CEP112: variants seen among roughly 807,000 people sequenced by gnomAD.
CEP112 encodes the protein centrosomal protein 112, also known as centrosomal protein of 112 kDa.
A neutral mutation model predicts 153.0 loss-of-function variants in CEP112; 127 were observed. The ratio of observed to expected loss-of-function variants is 0.83; its 90% CI spans 0.72 to 0.96. The LOEUF (loss-of-function observed/expected upper bound fraction) is 0.96, where lower values mean the gene tolerates loss of function less well. Ranked by LOEUF, CEP112 falls within the 40% of genes least tolerant of loss-of-function variation. The probability of loss-of-function intolerance (pLI) is 0.00; values close to 1 mark genes in which losing one functional copy is unlikely to be tolerated. For missense variants in CEP112, 1,089 were observed against 1,101.2 expected (o/e 0.99, Z 0.16); for synonymous variants, 358 against 374.4 (o/e 0.96, Z 0.51).
chr17:65,706,345 G>A (rs1373760372), intron 23 of CEP112, among the ~76,000 whole-genome samples: 1 of 152,168 alleles, frequency 6.6e-6, no homozygotes, highest in African/African-American at 2.4e-5. Context: ...GTGTGCTCAG[G>A]ACACCCTGGT....
chr17:65,833,613 G>T (rs2057178789), intron 21 of CEP112, among the ~76,000 whole-genome samples: 2 of 151,904 alleles, frequency 1.3e-5, no homozygotes, highest in African/African-American at 2.4e-5. Flanking sequence ...GCCACAAAAA[G>T]AATAAAATAC....
intron 4 of CEP112, among the ~76,000 whole-genome samples, chr17:66,157,445 C>T (rs1039255038): frequency 5.3e-5 from 8 of 152,166 alleles, no homozygotes; most frequent in South Asian, 2.1e-4. Flanking sequence ...TAAAAACCAT[C>T]GACACTATGA....
intron 6 of CEP112, among the ~76,000 whole-genome samples, chr17:66,122,363 A>G (rs546129231): frequency 6.6e-6 from 1 of 152,126 alleles, no homozygotes; most frequent in Non-Finnish European, 1.5e-5. Context: ...TGCATGTCTT[A>G]TAATTTTTTT....
intron 23 of CEP112, among the ~76,000 whole-genome samples, chr17:65,734,741 A>G (rs984102659): frequency 3.9e-5 from 6 of 152,192 alleles, no homozygotes; most frequent in African/African-American, 1.4e-4. Flanking sequence ...TCTCACACAG[A>G]TAAGAAGTTA....
intron 4 of CEP112, among the ~76,000 whole-genome samples, chr17:66,156,350 G>T (rs1026065047): frequency 6.6e-6 from 1 of 152,074 alleles, no homozygotes; most frequent in Non-Finnish European, 1.5e-5. Flanking sequence ...AACAAAAAGG[G>T]TGTCCACACA....
chr17:65,981,236 C>T (rs2063214852), intron 17 of CEP112, among the ~76,000 whole-genome samples: 1 of 152,134 alleles, frequency 6.6e-6, no homozygotes, highest in South Asian at 2.1e-4. Context: ...GGTATACAAG[C>T]CACTGTGTTC....
intron 23 of CEP112, among the ~76,000 whole-genome samples, chr17:65,736,616 A>G (rs1046271558): frequency 6.6e-6 from 1 of 152,198 alleles, no homozygotes; most frequent in African/African-American, 2.4e-5. Context: ...CAAGAATGGG[A>G]AAGAGGGGTT....
rs974755322 is a variant in CEP112 at position 65,868,572 on chromosome 17, T to A, written c.2164-16538A>T. Among the ~76,000 whole-genome samples, 6 of 152,060 alleles carry A rather than the reference T, an allele frequency of 3.9e-5. No individual in the cohort carries two copies. In the East Asian group the frequency reaches 1.2e-3, roughly 29 times the overall value. On this transcript the variant is annotated intron_variant, in intron 20 of 26. Coordinates refer to ENST00000535342, the MANE Select transcript of CEP112 (RefSeq NM_001199165.4). ...ATTTATCAAATATATAGAATTGATG[T>A]TTTGAAATTGAATATGCAGATTTCA...
At chr17:66,006,272 T>C (rs551287337) in intron 16 of CEP112, among the ~76,000 whole-genome samples, 12 of 152,098 alleles carry the variant, frequency 7.9e-5, no homozygotes, top group Non-Finnish European at 1.5e-4. Flanking sequence ...GTGGATCATT[T>C]GAGTAAATGA....
At chr17:66,134,753 T>C (rs781516589) in intron 4 of CEP112, among the ~76,000 whole-genome samples, 14 of 151,956 alleles carry the variant, frequency 9.2e-5, no homozygotes, top group Admixed American at 1.3e-4. Flanking sequence ...CAGCGGGAGG[T>C]TGAGGCTACA....
intron 4 of CEP112, among the ~76,000 whole-genome samples, chr17:66,158,478 G>C (rs568464292): frequency 1.4e-4 from 21 of 152,210 alleles, no homozygotes; most frequent in Admixed American, 1.2e-3. Context: ...CGGGCGTGGT[G>C]GTGGGCGCCT....
intron 19 of CEP112, among the ~76,000 whole-genome samples, chr17:65,922,206 G>T (rs1404707531): frequency 6.6e-6 from 1 of 151,940 alleles, no homozygotes; most frequent in African/African-American, 2.4e-5. Context: ...TTTCTACATG[G>T]CTGTTCACTT....
chr17:66,104,237 G>A (rs1365739976), intron 6 of CEP112, among the ~76,000 whole-genome samples: 1 of 152,162 alleles, frequency 6.6e-6, no homozygotes, highest in African/African-American at 2.4e-5. Flanking sequence ...CCTGAAGAGA[G>A]GAGAGGGATG....
At chr17:66,017,139 G>C (rs1405725578) in intron 16 of CEP112, among the ~76,000 whole-genome samples, 3 of 152,208 alleles carry the variant, frequency 2.0e-5, no homozygotes, top group Non-Finnish European at 4.4e-5. Flanking sequence ...AAATCACAAT[G>C]TGCCACAATA....
chr17:65,846,281 T>C (rs980411664), intron 21 of CEP112, among the ~76,000 whole-genome samples: 2 of 152,216 alleles, frequency 1.3e-5, no homozygotes, highest in Non-Finnish European at 2.9e-5. Context: ...GTTAGTTTTA[T>C]TCAAACTCAC....
intron 16 of CEP112, among the ~76,000 whole-genome samples, chr17:66,019,189 G>A (rs2064893925): frequency 6.6e-6 from 1 of 152,154 alleles, no homozygotes; most frequent in Admixed American, 6.5e-5. Context: ...CTCCTGTCCT[G>A]CTGCTGTCTC....
intron 24 of CEP112, among the ~76,000 whole-genome samples, chr17:65,666,440 T>C (rs1330642123): frequency 6.6e-6 from 1 of 152,224 alleles, no homozygotes; most frequent in Non-Finnish European, 1.5e-5. Context: ...TGGTGTAATC[T>C]AGGGTTCATT....
chr17:65,882,856 CT>C (rs1301189257), intron 20 of CEP112, among the ~76,000 whole-genome samples: 1 of 152,200 alleles, frequency 6.6e-6, no homozygotes, highest in Non-Finnish European at 1.5e-5. Context: ...AAGTTGGTGG[CT>C]TCTCTGAGAG....
intron 24 of CEP112, among the ~76,000 whole-genome samples, chr17:65,672,769 T>C (rs1330598785): frequency 6.6e-6 from 1 of 152,090 alleles, no homozygotes; most frequent in Non-Finnish European, 1.5e-5. Flanking sequence ...GCACAGGAAA[T>C]CGATAAATGG....
Sources: gnomAD v4.1 joint callset for allele counts (sites outside exome capture counted in the v4.1 genomes callset) on GRCh38, gnomAD v4.1.1 for gene constraint, MANE v1.5 for transcripts, NCBI Gene and HGNC (gene_info 2026-07-23, HGNC 2026-07-21) for gene names.